POLI: variants seen among roughly 807,000 people sequenced by gnomAD.
POLI encodes the protein RAD30 homolog B.
A neutral mutation model predicts 51.6 loss-of-function variants in POLI; 58 were observed. The ratio of observed to expected loss-of-function variants is 1.12; its 90% CI spans 0.91 to 1.40. POLI has a LOEUF of 1.40. Ranked by LOEUF, POLI falls within the 40% of genes most tolerant of loss-of-function variation. POLI has a pLI of 0.00. For missense variants in POLI, 921 were observed against 871.3 expected, an observed-to-expected ratio of 1.06 and a Z score of -0.72; for synonymous variants, 322 against 299.7, an observed-to-expected ratio of 1.07 and a Z score of -0.77.
intron 3 of POLI, among the ~76,000 whole-genome samples, chr18:54,274,535 AT>A (rs1458439247): frequency 6.6e-6 from 1 of 151,834 alleles, no homozygotes; most frequent in Non-Finnish European, 1.5e-5. Flanking sequence ...ATTAATAAAA[AT>A]ATTGGATATA....
intron 3 of POLI, among the ~76,000 whole-genome samples, chr18:54,319,387 A>G (rs1170410306): frequency 6.6e-6 from 1 of 152,182 alleles, no homozygotes; most frequent in Non-Finnish European, 1.5e-5. Flanking sequence ...GGGACATTGA[A>G]AAGGGACATG....
rs2088192877 is a variant in POLI, at chr18:54,294,400, C to G, written c.2156C>G (p.Ala719Gly). 1 of 1,613,332 alleles carries G rather than the reference C, an allele frequency of 6.2e-7. No homozygotes were observed. The highest frequency in any genetic ancestry group is 1.7e-4 in the Middle Eastern group (1 of 6,054). Residue 719 changes from alanine (A) to glycine (G), a missense_variant, in exon 10 of 10, where the codon GCA (alanine) becomes GGA (glycine). Transcript: ENST00000579534. ...DPQVFYELPE[A>G]VQKELLAEWK... Reference sequence around the variant, plus strand: ...CAAGTTTTCTATGAACTACCAGAAGCAGTACAAAAGGAACTGCTGGCAGAG... The same window carrying G: ...CAAGTTTTCTATGAACTACCAGAAGGAGTACAAAAGGAACTGCTGGCAGAG...
chr18:54,277,898 A>C (rs748548336), intron 4 of POLI, 43 bp downstream of exon 4: 1 of 1,421,764 alleles, frequency 7.0e-7, no homozygotes, highest in Non-Finnish European at 9.7e-7. Context: ...CCAAAAGTAC[A>C]TACATTTCTT....
At chr18:54,286,145 C>T (rs564335634) in intron 7 of POLI, among the ~76,000 whole-genome samples, 1 of 152,194 alleles carries the variant, frequency 6.6e-6, no homozygotes, top group Non-Finnish European at 1.5e-5. Flanking sequence ...ATTACAGGTA[C>T]GAGGCACCGT....
Position 54,280,707 on chromosome 18 carries a change from T to G in POLI, c.600T>G (p.Val200=), listed in dbSNP as rs766263504. The change falls in exon 5 of 10, where the codon GTT becomes GTG. Residue 200 remains valine (V), a synonymous_variant. Coordinates refer to ENST00000579534, the MANE Select transcript of POLI (RefSeq NM_007195.3). ...LLDVLHIRLL[V]GSQIAAEMRE... is the part of the protein sequence containing the mutation. Reference sequence around the variant, plus strand: ...ACGTCTTGCACATCAGACTACTTGTTGGATCTCAGATTGCAGCAGAGATGC... The same window carrying G: ...ACGTCTTGCACATCAGACTACTTGTGGGATCTCAGATTGCAGCAGAGATGC... 6.2e-7 allele frequency: 1 copy of G among 1,613,626 alleles called. No homozygotes were observed. Among genetic ancestry groups the G allele is most frequent in the Non-Finnish European group, 8.5e-7 (1 of 1,179,626 alleles).
intron 3 of POLI, among the ~76,000 whole-genome samples, chr18:54,312,530 C>T (rs930922271): frequency 6.6e-6 from 1 of 152,154 alleles, no homozygotes; most frequent in Non-Finnish European, 1.5e-5. Context: ...GAGGAATCTC[C>T]AAACTGCTTT....
intron 5 of POLI, 102 bp from the exon 6 acceptor site, chr18:54,282,735 T>TA (rs2087561547): frequency 7.3e-6 from 5 of 682,006 alleles, no homozygotes; most frequent in Non-Finnish European, 9.5e-6. Flanking sequence ...CTGTATAAAT[T>TA]ATAGAACTTA....
intron 9 of POLI, among the ~76,000 whole-genome samples, chr18:54,292,786 C>G (rs985074568): frequency 1.3e-5 from 2 of 152,018 alleles, no homozygotes; most frequent in Admixed American, 1.3e-4. Flanking sequence ...AATTAATGCT[C>G]TCTTCAAATT....
chr18:54,273,933 A>G lies in POLI; in HGVS notation c.249A>G (p.Gln83=), dbSNP rs754164062. 5 of 1,527,714 alleles carry G rather than the reference A, an allele frequency of 3.3e-6. No homozygotes were observed. Among genetic ancestry groups the G allele is most frequent in the Middle Eastern group, 1.7e-4 (1 of 5,718 alleles). 94.6% of individuals were successfully genotyped at this position (1,527,714 alleles called of 1,614,324 possible). A position where few individuals can be genotyped will look rare whatever the true frequency, so the allele number is the denominator to read the frequency against. The part of the protein sequence containing the change: ...PELKDKPLGV[Q]QKYLVVTCNY... ...ATAAAATATTTTTTACAGGGGTTCAACAGAAATATTTGGTGGTTACCTGCA... is the reference window on the plus strand; with the variant it reads ...ATAAAATATTTTTTACAGGGGTTCAGCAGAAATATTTGGTGGTTACCTGCA... The change falls in exon 3 of 10, where the codon CAA becomes CAG. Residue 83 remains glutamine, a synonymous_variant. Coordinates refer to ENST00000579534, the MANE Select transcript of POLI (RefSeq NM_007195.3).
At position 54,296,192 on chromosome 18, in the gene POLI, GA is replaced by G. The variant is rs2088316801; in HGVS notation, c.*1726del. ...TAAAACATTTTATAGTCCTTGTAATGATTTCAGGACCTTGGACAGCTAGAAG... is the reference window on the plus strand; with the variant it reads ...TAAAACATTTTATAGTCCTTGTAATGTTTCAGGACCTTGGACAGCTAGAAG... On this transcript the variant is annotated 3_prime_UTR_variant, in exon 10 of 10. Transcript: ENST00000579534. 1.0e-6 allele frequency: 1 copy of G among 984,698 alleles called. No homozygotes were observed. The highest frequency in any genetic ancestry group is 1.2e-6 in the Non-Finnish European group (1 of 829,404). The allele number at this position is 984,698 out of a possible 1,614,324, so 61.0% of individuals were successfully genotyped here. A position where few individuals can be genotyped will look rare whatever the true frequency, so the allele number is the denominator to read the frequency against.
chr18:54,273,268 T>A (rs2087087681), intron 2 of POLI, among the ~76,000 whole-genome samples: 1 of 151,804 alleles, frequency 6.6e-6, no homozygotes, highest in East Asian at 1.9e-4. Context: ...GCACTTGTTT[T>A]ATATATTTTA....
chr18:54,306,407 G>A (rs1293687445), intron 3 of POLI, among the ~76,000 whole-genome samples: 1 of 152,172 alleles, frequency 6.6e-6, no homozygotes, highest in African/African-American at 2.4e-5. Flanking sequence ...AGCCAGCCTT[G>A]TATCCCAGGG....
chr18:54,302,717 C>A (rs140777468), downstream of POLI, among the ~76,000 whole-genome samples: 1 of 152,094 alleles, frequency 6.6e-6, no homozygotes. Context: ...AGGTCTTATT[C>A]ATTCTAATTA....
downstream of POLI, among the ~76,000 whole-genome samples, chr18:54,301,715 ACTGCTG>A (rs1178589420): frequency 6.6e-6 from 1 of 152,102 alleles, no homozygotes; most frequent in Non-Finnish European, 1.5e-5. Context: ...ATTCACAGAG[ACTGCTG>A]GGCTCTCTCT....
intron 3 of POLI, among the ~76,000 whole-genome samples, 165 bp downstream of exon 3, chr18:54,274,255 CTG>C (rs2087140059): frequency 1.3e-5 from 2 of 151,940 alleles, no homozygotes; most frequent in African/African-American, 4.8e-5. Flanking sequence ...GAAAGGATAA[CTG>C]TATGCTATGA....
At chr18:54,277,050 A>G (rs1032221136) in intron 3 of POLI, among the ~76,000 whole-genome samples, 2 of 152,100 alleles carry the variant, frequency 1.3e-5, no homozygotes, top group African/African-American at 4.8e-5. Context: ...TTTATTTTGA[A>G]TTTTGGTTCA....
At chr18:54,318,957 G>A (rs953255641) in intron 3 of POLI, among the ~76,000 whole-genome samples, 2 of 152,156 alleles carry the variant, frequency 1.3e-5, no homozygotes, top group African/African-American at 4.8e-5. Flanking sequence ...TGTGAACAGT[G>A]TTCCATTTCT....
intron 4 of POLI, 46 bp downstream of exon 4, chr18:54,277,901 C>G (rs1487391547): frequency 5.7e-6 from 8 of 1,396,770 alleles, no homozygotes; most frequent in Non-Finnish European, 7.9e-6. Flanking sequence ...AAAGTACATA[C>G]ATTTCTTAAT....
At chr18:54,300,379 T>A (rs2088470657), downstream of POLI, among the ~76,000 whole-genome samples, 1 of 152,130 alleles carries the variant, frequency 6.6e-6, no homozygotes, top group Non-Finnish European at 1.5e-5. Flanking sequence ...CATGAAGTGG[T>A]GGGTTACATC....
Sources: gnomAD v4.1 joint callset for allele counts (sites outside exome capture counted in the v4.1 genomes callset) on GRCh38, gnomAD v4.1.1 for gene constraint, MANE v1.5 for transcripts, NCBI Gene and HGNC (gene_info 2026-07-23, HGNC 2026-07-21) for gene names.